SLC25A31: variants seen among roughly 807,000 people sequenced by gnomAD.
SLC25A31 encodes the protein solute carrier family 25 member 31, also known as ADP/ATP translocase 4.
In SLC25A31, 40 loss-of-function variants were observed where a neutral mutation model predicts 36.2. The ratio of observed to expected loss-of-function variants is 1.10; its 90% CI spans 0.86 to 1.44. The LOEUF is 1.44. SLC25A31 is among the 40% of genes most tolerant of loss of function. SLC25A31 has a pLI of 0.00. For missense variants in SLC25A31, 350 were observed against 397.1 expected (o/e 0.88, Z 1.01); for synonymous variants, 143 against 149.7 (o/e 0.96, Z 0.32).
At chr4:127,759,501 T>A (rs752825080) in intron 2 of SLC25A31, among the ~76,000 whole-genome samples, 1 of 152,158 alleles carries the variant, frequency 6.6e-6, no homozygotes, top group African/African-American at 2.4e-5. Flanking sequence ...TTCACCACTA[T>A]GTTGAATAGA....
chr4:127,733,326 T>C (rs1464239028), intron 1 of SLC25A31, among the ~76,000 whole-genome samples: 1 of 152,210 alleles, frequency 6.6e-6, no homozygotes, highest in Non-Finnish European at 1.5e-5. Context: ...TTTCAGATTT[T>C]AGAATATTCT....
chr4:127,745,871 CAG>C (rs1039093232), intron 2 of SLC25A31, among the ~76,000 whole-genome samples: 3 of 152,044 alleles, frequency 2.0e-5, no homozygotes, highest in African/African-American at 4.8e-5. Context: ...TCTCGTGTCA[CAG>C]GGGTTTTTTG....
intron 2 of SLC25A31, among the ~76,000 whole-genome samples, chr4:127,750,727 A>G (rs1318983612): frequency 6.6e-6 from 1 of 152,090 alleles, no homozygotes; most frequent in Non-Finnish European, 1.5e-5. Context: ...GAGCCCCATG[A>G]TAACCATAAA....
chr4:127,746,378 A>G (rs889872852), intron 2 of SLC25A31, among the ~76,000 whole-genome samples: 1 of 152,166 alleles, frequency 6.6e-6, no homozygotes, highest in Non-Finnish European at 1.5e-5. Context: ...GCTTTCCACA[A>G]TGGTCCAGCT....
chr4:127,750,566 A>G (rs2148758212), intron 2 of SLC25A31, among the ~76,000 whole-genome samples: 1 of 152,316 alleles, frequency 6.6e-6, no homozygotes, highest in Non-Finnish European at 1.5e-5. Flanking sequence ...AACAACTATA[A>G]TATTTAACAG....
chr4:127,732,504 G>A (rs1029987586), intron 1 of SLC25A31, among the ~76,000 whole-genome samples: 3 of 152,224 alleles, frequency 2.0e-5, no homozygotes, highest in African/African-American at 7.2e-5. Context: ...CTGAAGAGAA[G>A]TAGGGGCCTC....
intron 1 of SLC25A31, among the ~76,000 whole-genome samples, chr4:127,731,454 G>A (rs576444729): frequency 1.3e-5 from 2 of 152,150 alleles, no homozygotes; most frequent in East Asian, 1.9e-4. Flanking sequence ...TATAATCCTA[G>A]CACTTTGGAA....
intron 2 of SLC25A31, among the ~76,000 whole-genome samples, chr4:127,759,063 G>A (rs538359619): frequency 6.6e-6 from 1 of 152,176 alleles, no homozygotes; most frequent in African/African-American, 2.4e-5. Flanking sequence ...GCTTTGGGCA[G>A]TATGGTCATT....
intron 2 of SLC25A31, among the ~76,000 whole-genome samples, chr4:127,764,008 A>G (rs576178801): frequency 6.6e-6 from 1 of 152,312 alleles, no homozygotes; most frequent in South Asian, 2.1e-4. Flanking sequence ...AATATCCTGG[A>G]ATTTCAGTAT....
chr4:127,743,880 T>C (rs886749437), intron 1 of SLC25A31, among the ~76,000 whole-genome samples: 16 of 152,242 alleles, frequency 1.1e-4, no homozygotes, highest in Admixed American at 9.8e-4. Context: ...ATTCTGGGTA[T>C]TCTCCGAACT....
chr4:127,765,795 T>C (rs970625281), intron 3 of SLC25A31, among the ~76,000 whole-genome samples: 2 of 152,116 alleles, frequency 1.3e-5, no homozygotes, highest in Non-Finnish European at 2.9e-5. Context: ...TCAGAAGGGG[T>C]GGCAGTTTGA....
At chr4:127,735,587 A>G (rs1731609398) in intron 1 of SLC25A31, among the ~76,000 whole-genome samples, 2 of 152,288 alleles carry the variant, frequency 1.3e-5, no homozygotes, top group African/African-American at 4.8e-5. Context: ...CCCAGTAGGC[A>G]CAAAATGTCT....
Position 127,730,496 on chromosome 4 carries a change from C to T in SLC25A31, c.-50C>T. On this transcript the variant is annotated 5_prime_UTR_variant, in exon 1 of 6. Transcript: ENST00000281154. Reference sequence around the variant, plus strand: ...TTTTCCGCTTCCCTTCATCGTAGCTCCCGTACTCATTTTTAGCCACTGCTG... The same window carrying T: ...TTTTCCGCTTCCCTTCATCGTAGCTTCCGTACTCATTTTTAGCCACTGCTG... 6.4e-7 allele frequency: 1 copy of T among 1,573,494 alleles called. No homozygotes were observed. Among genetic ancestry groups the T allele is most frequent in the Non-Finnish European group, 8.7e-7 (1 of 1,146,290 alleles).
At chr4:127,740,788 T>G (rs1250732776) in intron 1 of SLC25A31, among the ~76,000 whole-genome samples, 4 of 152,158 alleles carry the variant, frequency 2.6e-5, no homozygotes, top group Non-Finnish European at 5.9e-5. Context: ...GAGCAGGTTC[T>G]TTGAATGCCT....
At chr4:127,734,259 G>A (rs1429668589) in intron 1 of SLC25A31, among the ~76,000 whole-genome samples, 1 of 152,052 alleles carries the variant, frequency 6.6e-6, no homozygotes, top group Non-Finnish European at 1.5e-5. Context: ...TGTAAATGTA[G>A]CCTTTTAAAG....
At chr4:127,763,701 A>G (rs1260103067) in intron 2 of SLC25A31, among the ~76,000 whole-genome samples, 7 of 152,318 alleles carry the variant, frequency 4.6e-5, no homozygotes, top group Middle Eastern at 6.8e-3. Context: ...TTAAATACGT[A>G]TTTTTGAGCT....
At chr4:127,755,888 C>A (rs1390508374) in intron 2 of SLC25A31, among the ~76,000 whole-genome samples, 1 of 152,142 alleles carries the variant, frequency 6.6e-6, no homozygotes, top group African/African-American at 2.4e-5. Flanking sequence ...CAAAAATTAG[C>A]TGAGCGTGGT....
intron 2 of SLC25A31, among the ~76,000 whole-genome samples, chr4:127,753,471 G>GGA (rs1232628243): frequency 6.6e-6 from 1 of 152,070 alleles, no homozygotes; most frequent in African/African-American, 2.4e-5. Context: ...AAGTGAAAGA[G>GGA]GAGACATTGT....
At chr4:127,753,805 C>T (rs1295678988) in intron 2 of SLC25A31, among the ~76,000 whole-genome samples, 1 of 152,116 alleles carries the variant, frequency 6.6e-6, no homozygotes, top group African/African-American at 2.4e-5. Flanking sequence ...CCTTCAGACT[C>T]ATTTTATGAG....
Sources: allele counts gnomAD v4.1 joint callset (sites outside exome capture counted in the v4.1 genomes callset), GRCh38; gene constraint gnomAD v4.1.1; transcripts MANE v1.5; gene names NCBI Gene and HGNC (gene_info 2026-07-23, HGNC 2026-07-21).